The following NPHP4 variants were observed in gnomAD, a reference collection of about 807,000 sequenced individuals.
The protein encoded by NPHP4 is nephrocystin-4.
NPHP4 carries 151 observed loss-of-function variants against 155.8 expected under a neutral mutation model. The ratio of observed to expected loss-of-function variants is 0.97; its 90% CI spans 0.85 to 1.11. NPHP4 has a LOEUF of 1.11. NPHP4 is among the 50% of genes least tolerant of loss of function. The pLI is 0.00. For missense variants in NPHP4, 1,956 were observed against 1,925.7 expected, an observed-to-expected ratio of 1.02 and a Z score of -0.29; for synonymous variants, 845 against 816.8, an observed-to-expected ratio of 1.03 and a Z score of -0.59.
rs1412670979 is a variant in NPHP4, at chr1:5,961,516, A to G, written c.673+278T>C. 2.0e-5 allele frequency among the ~76,000 whole-genome samples: 3 copies of G among 152,258 alleles called. No homozygotes were observed. In the East Asian group the frequency reaches 5.8e-4, roughly 29 times the overall value. ...CAGTGGTCTTCCTAGCTATGGTCACAGAGACTTGAACTCTGTCTCTCACGA... is the reference window on the plus strand; with the variant it reads ...CAGTGGTCTTCCTAGCTATGGTCACGGAGACTTGAACTCTGTCTCTCACGA... On this transcript the variant is annotated intron_variant, in intron 6 of 29. Coordinates refer to ENST00000378156, the MANE Select transcript of NPHP4 (RefSeq NM_015102.5).
intron 10 of NPHP4, among the ~76,000 whole-genome samples, chr1:5,928,948 T>C (rs1646146791): frequency 6.6e-6 from 1 of 152,196 alleles, no homozygotes; most frequent in Non-Finnish European, 1.5e-5. Flanking sequence ...TCTTCTTTGA[T>C]TTCACCTAAG....
chr1:5,971,045 C>G (rs1043372056), intron 3 of NPHP4, among the ~76,000 whole-genome samples: 6 of 152,204 alleles, frequency 3.9e-5, no homozygotes, highest in Non-Finnish European at 7.3e-5. Flanking sequence ...CTGTGCTTAT[C>G]AGTCTTACGA....
intron 5 of NPHP4, among the ~76,000 whole-genome samples, chr1:5,963,693 T>C (rs1219905013): frequency 1.3e-5 from 2 of 148,840 alleles, no homozygotes; most frequent in South Asian, 4.2e-4. Flanking sequence ...TCTTTTCTTT[T>C]TTTTTTTTTT....
chr1:5,960,311 AAC>A (rs779778382), intron 6 of NPHP4, among the ~76,000 whole-genome samples: 2 of 152,136 alleles, frequency 1.3e-5, no homozygotes, highest in Non-Finnish European at 2.9e-5. Flanking sequence ...ATGCTGGAAA[AAC>A]AGTGACTTCA....
intron 1 of NPHP4, among the ~76,000 whole-genome samples, chr1:5,991,224 AC>A (rs1375164760): frequency 6.6e-6 from 1 of 152,126 alleles, no homozygotes; most frequent in East Asian, 1.9e-4. Flanking sequence ...TTCTTTCAGC[AC>A]CTACCCTGCG....
At chr1:5,888,361 C>T in intron 17 of NPHP4, 1 of 1,085,782 alleles carries the variant, frequency 9.2e-7, no homozygotes, top group Non-Finnish European at 1.1e-6. Context: ...CTTCCTCTCA[C>T]ATAAGAAGCA....
intron 19 of NPHP4, among the ~76,000 whole-genome samples, chr1:5,879,815 A>C (rs1008158398): frequency 2.1e-5 from 2 of 93,810 alleles, no homozygotes; most frequent in Admixed American, 1.1e-4. Flanking sequence ...ACACACACGC[A>C]AACACACACA....
At chr1:5,868,015 C>T in intron 23 of NPHP4, 119 bp from the exon 24 acceptor site, 1 of 1,114,974 alleles carries the variant, frequency 9.0e-7, no homozygotes, top group East Asian at 2.5e-5. Flanking sequence ...CCTCCACTGC[C>T]ATGAGCGGGG....
intron 28 of NPHP4, 128 bp downstream of exon 28, chr1:5,864,210 T>TG (rs1356388295): frequency 7.5e-5 from 85 of 1,138,466 alleles, no homozygotes; most frequent in Non-Finnish European, 9.7e-5. Flanking sequence ...CAAACACTCA[T>TG]GCACCCGGCC....
chr1:5,972,674 A>C (rs1332735883), intron 3 of NPHP4, among the ~76,000 whole-genome samples: 1 of 152,164 alleles, frequency 6.6e-6, no homozygotes, highest in East Asian at 1.9e-4. Context: ...CACACTCTTT[A>C]TCTCTCATGA....
At chr1:5,877,013 TG>T (rs1642674687) in intron 20 of NPHP4, 79 bp downstream of exon 20, 1 of 971,776 alleles carries the variant, frequency 1.0e-6, no homozygotes, top group Non-Finnish European at 1.4e-6. Context: ...GAGAATCATG[TG>T]GGAGGCAGGG....
chr1:5,909,746 G>T (rs1192297634), intron 11 of NPHP4, among the ~76,000 whole-genome samples: 1 of 152,146 alleles, frequency 6.6e-6, no homozygotes, highest in Non-Finnish European at 1.5e-5. Context: ...GGCGCACCTG[G>T]GGGAGGCAAG....
At chr1:5,975,795 C>T (rs1367316210) in intron 3 of NPHP4, among the ~76,000 whole-genome samples, 1 of 152,246 alleles carries the variant, frequency 6.6e-6, no homozygotes, top group South Asian at 2.1e-4. Context: ...CGGAAGCCCT[C>T]GGAGTGCATG....
chr1:5,930,407 T>C (rs1414923742), intron 10 of NPHP4, among the ~76,000 whole-genome samples: 1 of 152,222 alleles, frequency 6.6e-6, no homozygotes, highest in Non-Finnish European at 1.5e-5. Context: ...TAAGATCTTT[T>C]TTCTGTTCTA....
intron 1 of NPHP4, among the ~76,000 whole-genome samples, chr1:5,990,322 G>A (rs942993947): frequency 1.4e-4 from 21 of 152,158 alleles, no homozygotes. Flanking sequence ...GTCTTTTAAG[G>A]ATGAAATACA....
intron 11 of NPHP4, among the ~76,000 whole-genome samples, chr1:5,917,437 A>C (rs1452975287): frequency 1.3e-5 from 2 of 152,114 alleles, no homozygotes; most frequent in Non-Finnish European, 2.9e-5. Flanking sequence ...CATGAGGGAG[A>C]GAGACGAACA....
At chr1:5,950,638 T>C (rs1374770331) in intron 7 of NPHP4, among the ~76,000 whole-genome samples, 2 of 152,080 alleles carry the variant, frequency 1.3e-5, no homozygotes, top group Non-Finnish European at 2.9e-5. Context: ...CTCTTAAACA[T>C]CTGCCTCCAC....
intron 7 of NPHP4, among the ~76,000 whole-genome samples, chr1:5,948,640 C>A (rs922775586): frequency 3.9e-5 from 6 of 152,128 alleles, no homozygotes; most frequent in Non-Finnish European, 7.4e-5. Flanking sequence ...CCAGAGCCCC[C>A]CTTTCCCAGA....
rs1570767196 is a variant in NPHP4, at chr1:5,986,144, C to G, written c.135+11G>C. The stretch of plus-strand genomic sequence containing the variant: ...CAATAACACGCATTTGCTAACAGCA[C>G]ATTTTGTTACCTGCCTAATTACCGG... On this transcript the variant is annotated intron_variant, in intron 2 of 29. Transcript: ENST00000378156. 5 of 1,613,636 alleles carry G rather than the reference C, an allele frequency of 3.1e-6. No homozygotes were observed. The South Asian group carries it at 3.3e-5, about 11-fold the overall frequency.
Sources: gnomAD v4.1 joint callset for allele counts (sites outside exome capture counted in the v4.1 genomes callset) on GRCh38, gnomAD v4.1.1 for gene constraint, MANE v1.5 for transcripts, NCBI Gene and HGNC (gene_info 2026-07-23, HGNC 2026-07-21) for gene names.